Variants in PDZRN4 observed in about 807,000 individuals in gnomAD.
PDZRN4 encodes PDZ domain containing ring finger 4.
PDZRN4 carries 70 observed loss-of-function variants against 99.0 expected under a neutral mutation model. The ratio of observed to expected loss-of-function variants is 0.71; its 90% confidence interval spans 0.58 to 0.86. The LOEUF (loss-of-function observed/expected upper bound fraction) is 0.86. Among genes scored for constraint, PDZRN4 ranks in the 40% least tolerant of loss-of-function variants. The pLI is 0.00. For missense variants in PDZRN4, 1,474 were observed against 1,331.2 expected, an observed-to-expected ratio of 1.11 and a Z score of -1.67; for synonymous variants, 551 against 501.6, an observed-to-expected ratio of 1.10 and a Z score of -1.32.
chr12:41,258,028 G>A (rs1383231442), intron 3 of PDZRN4, among the ~76,000 whole-genome samples: 1 of 152,150 alleles, frequency 6.6e-6, no homozygotes, highest in Non-Finnish European at 1.5e-5. Flanking sequence ...ACCAGAACTT[G>A]AGTGATCCGG....
intron 3 of PDZRN4, among the ~76,000 whole-genome samples, chr12:41,470,107 T>C (rs533864832): frequency 2.4e-4 from 36 of 152,240 alleles, no homozygotes; most frequent in African/African-American, 7.9e-4. Flanking sequence ...GCCTTTAAAA[T>C]CTTATTTCTG....
intron 3 of PDZRN4, among the ~76,000 whole-genome samples, chr12:41,241,362 A>G (rs1377993804): frequency 6.6e-6 from 1 of 152,208 alleles, no homozygotes; most frequent in Non-Finnish European, 1.5e-5. Context: ...TTGTGCATCT[A>G]GATTTTTGGA....
chr12:41,408,360 A>G (rs1012813660), intron 3 of PDZRN4, among the ~76,000 whole-genome samples: 2 of 152,206 alleles, frequency 1.3e-5, no homozygotes, highest in Non-Finnish European at 2.9e-5. Context: ...TTAGCACAAC[A>G]GGTTTTTATT....
At chr12:41,420,746 C>A (rs1952481734) in intron 3 of PDZRN4, among the ~76,000 whole-genome samples, 1 of 152,120 alleles carries the variant, frequency 6.6e-6, no homozygotes, top group Non-Finnish European at 1.5e-5. Flanking sequence ...AGTTCTTGAC[C>A]CTTTTTTCCT....
At chr12:41,551,877 C>G (rs1939063153) in intron 5 of PDZRN4, among the ~76,000 whole-genome samples, 1 of 152,106 alleles carries the variant, frequency 6.6e-6, no homozygotes, top group Admixed American at 6.6e-5. Flanking sequence ...TTATATAAAA[C>G]TGAAATACAC....
chr12:41,502,028 CTG>C (rs1329326101), intron 3 of PDZRN4, among the ~76,000 whole-genome samples: 1 of 152,138 alleles, frequency 6.6e-6, no homozygotes, highest in African/African-American at 2.4e-5. Context: ...CCACATGTCA[CTG>C]TTTATCCTAG....
chr12:41,573,216 G>A lies in PDZRN4; in HGVS notation c.2437G>A (p.Gly813Ser). 1 of 1,614,108 alleles carries A rather than the reference G, an allele frequency of 6.2e-7. No individual in the cohort carries two copies. The highest frequency in any genetic ancestry group is 8.5e-7 in the Non-Finnish European group (1 of 1,180,014). The change falls in exon 10 of 10, where the codon GGC (glycine) becomes AGC (serine). Residue 813 changes from glycine (G) to serine (S), a missense_variant. Coordinates refer to ENST00000402685, the MANE Select transcript of PDZRN4 (RefSeq NM_001164595.2). ...TGAAAGCAAGGAGAAGGTTTTAGAAGGCAGCAAGCTTCCTGATCAAGAGAA... is the reference window on the plus strand; with the variant it reads ...TGAAAGCAAGGAGAAGGTTTTAGAAAGCAGCAAGCTTCCTGATCAAGAGAA... The part of the protein sequence containing the change: ...SAESKEKVLE[G>S]SKLPDQEKAV...
chr12:41,474,255 A>G (rs1438359237), intron 3 of PDZRN4, among the ~76,000 whole-genome samples: 2 of 152,248 alleles, frequency 1.3e-5, no homozygotes, highest in East Asian at 1.9e-4. Context: ...ATTTTACCCA[A>G]CTGAAGAAAT....
chr12:41,448,282 C>T (rs1054804400), intron 3 of PDZRN4, among the ~76,000 whole-genome samples: 2 of 152,014 alleles, frequency 1.3e-5, no homozygotes, highest in African/African-American at 4.8e-5. Flanking sequence ...TGATTTTTCC[C>T]ATCTCTTTTT....
At chr12:41,189,160 G>A (rs145124761) in intron 1 of PDZRN4, 57 bp downstream of exon 1, 7 of 1,498,338 alleles carry the variant, frequency 4.7e-6, no homozygotes, top group African/African-American at 1.4e-5. Context: ...GAAAAGGAGC[G>A]GTTCTTTCTG....
intron 3 of PDZRN4, among the ~76,000 whole-genome samples, chr12:41,202,514 C>T (rs1362494877): frequency 6.6e-6 from 1 of 152,052 alleles, no homozygotes; most frequent in Non-Finnish European, 1.5e-5. Context: ...GCCTGATCCT[C>T]TTAAGCCTAT....
chr12:41,363,649 T>C (rs1160903507), intron 3 of PDZRN4, among the ~76,000 whole-genome samples: 9 of 13,032 alleles, frequency 6.9e-4, no homozygotes, highest in Non-Finnish European at 1.7e-3. Context: ...AGTTTGGAGA[T>C]AAATCATATT....
chr12:41,305,644 AC>A (rs1951564605), intron 3 of PDZRN4, among the ~76,000 whole-genome samples: 1 of 152,014 alleles, frequency 6.6e-6, no homozygotes, highest in Non-Finnish European at 1.5e-5. Flanking sequence ...CCTCATCTAA[AC>A]CTAATTACCT....
chr12:41,537,653 A>G (rs139333114), intron 5 of PDZRN4, among the ~76,000 whole-genome samples: 4 of 152,304 alleles, frequency 2.6e-5, no homozygotes, highest in African/African-American at 7.2e-5. Flanking sequence ...GATGTGTTTA[A>G]GGACTTATAT....
intron 3 of PDZRN4, among the ~76,000 whole-genome samples, chr12:41,478,323 C>T (rs1937623586): frequency 1.3e-5 from 2 of 152,076 alleles, no homozygotes; most frequent in East Asian, 1.9e-4. Context: ...AGCATGTTGG[C>T]CAGGCTGATC....
chr12:41,191,604 C>T (rs1220298706), intron 2 of PDZRN4, 60 bp downstream of exon 2: 6 of 793,282 alleles, frequency 7.6e-6, no homozygotes, highest in Non-Finnish European at 1.3e-5. Flanking sequence ...ATAAGCATTA[C>T]TCATTGCTTA....
intron 3 of PDZRN4, among the ~76,000 whole-genome samples, chr12:41,342,531 A>T (rs1951825805): frequency 6.6e-6 from 1 of 150,662 alleles, no homozygotes; most frequent in African/African-American, 2.4e-5. Context: ...AATTTTTTAA[A>T]TGAGCAAATG....
At chr12:41,331,253 T>G (rs186945686) in intron 3 of PDZRN4, among the ~76,000 whole-genome samples, 1 of 152,250 alleles carries the variant, frequency 6.6e-6, no homozygotes, top group East Asian at 1.9e-4. Context: ...AAGACCTGTC[T>G]TATGGTTTTA....
intron 3 of PDZRN4, among the ~76,000 whole-genome samples, chr12:41,438,275 T>C (rs1952648735): frequency 1.3e-5 from 2 of 152,144 alleles, no homozygotes; most frequent in Non-Finnish European, 2.9e-5. Context: ...ATAACAGGAG[T>C]AGCACTGAGA....
Sources: allele counts gnomAD v4.1 joint callset (sites outside exome capture counted in the v4.1 genomes callset), GRCh38; gene constraint gnomAD v4.1.1; transcripts MANE v1.5; gene names NCBI Gene and HGNC (gene_info 2026-07-23, HGNC 2026-07-21).